The following CDADC1 variants were observed in gnomAD, a reference collection of about 807,000 sequenced individuals.
CDADC1 encodes the protein dCTP deaminase.
In CDADC1, 39 loss-of-function variants were observed where a neutral mutation model predicts 54.9. The ratio of observed to expected loss-of-function variants is 0.71; its 90% CI spans 0.55 to 0.93. The LOEUF is 0.93. CDADC1 is among the 40% of genes least tolerant of loss of function. The pLI, the probability that CDADC1 is intolerant of heterozygous loss-of-function variation, is 0.00. For synonymous variants in CDADC1, 186 were observed against 204.0 expected (o/e 0.91, Z 0.75); for missense variants, 518 against 618.8 (o/e 0.84, Z 1.73).
Position 49,292,873 on chromosome 13 carries a change from C to A in CDADC1, c.*1116C>A. On this transcript the variant is annotated 3_prime_UTR_variant, in exon 10 of 10. Transcript: ENST00000251108. The stretch of plus-strand genomic sequence containing the variant: ...CTGCTTTTGTTCCCTGCCTTTCCGC[C>A]ACATCACACGGCCTCACTGGGCTTC... 1.0e-6 allele frequency: 1 copy of A among 959,416 alleles called. No homozygotes were observed. The highest frequency in any genetic ancestry group is 1.4e-6 in the Non-Finnish European group (1 of 713,592). The allele number at this position is 959,416 out of a possible 1,614,324, so 59.4% of individuals were successfully genotyped here. A position where few individuals can be genotyped will look rare whatever the true frequency, so the allele number is the denominator to read the frequency against.
At chr13:49,268,086 G>A (rs1437829198) in intron 5 of CDADC1, 27 bp downstream of exon 5, 1 of 1,542,644 alleles carries the variant, frequency 6.5e-7, no homozygotes, top group Admixed American at 1.7e-5. Context: ...GTAAATTGGG[G>A]CTGATTGGTT....
chr13:49,282,287 C>G (rs934819529), intron 8 of CDADC1, among the ~76,000 whole-genome samples: 3 of 121,504 alleles, frequency 2.5e-5, no homozygotes, highest in Non-Finnish European at 4.9e-5. Context: ...CAGGGTCTCA[C>G]TATCTCACCC....
intron 8 of CDADC1, among the ~76,000 whole-genome samples, chr13:49,284,902 T>C (rs1346544606): frequency 2.6e-5 from 4 of 152,230 alleles, no homozygotes; most frequent in Non-Finnish European, 2.9e-5. Flanking sequence ...GTGATTCTGA[T>C]AGAGATTCTA....
At chr13:49,251,916 A>G (rs1481684798) in intron 2 of CDADC1, among the ~76,000 whole-genome samples, 1 of 152,214 alleles carries the variant, frequency 6.6e-6, no homozygotes, top group Non-Finnish European at 1.5e-5. Context: ...GGTGGGCACC[A>G]TGGAAGTTTT....
chr13:49,256,015 T>C (rs576304052), intron 3 of CDADC1, 102 bp downstream of exon 3: 1 of 1,459,474 alleles, frequency 6.9e-7, no homozygotes, highest in African/African-American at 1.4e-5. Context: ...TCAAGGGAGT[T>C]TTTAAAATAC....
intron 1 of CDADC1, 54 bp downstream of exon 1, chr13:49,248,173 G>A (rs910364880): frequency 3.0e-5 from 43 of 1,427,608 alleles, no homozygotes; most frequent in Non-Finnish European, 3.9e-5. Flanking sequence ...TGCCCTGTGC[G>A]TCTCCCGTCA....
chr13:49,251,407 AAAAG>A lies in CDADC1; in HGVS notation c.177+2446_177+2449del, dbSNP rs1234536673. On this transcript the variant is annotated intron_variant, in intron 2 of 9. Coordinates refer to ENST00000251108, the MANE Select transcript of CDADC1 (RefSeq NM_030911.4). The stretch of plus-strand genomic sequence containing the variant: ...TGGCGACAGAAAAAAAAAGAAAAAA[AAAAG>A]AAAAAAAAACGTATAAAAACTGGAC... Among the ~76,000 whole-genome samples the A allele has an allele frequency of 1.3e-4, 20 of 152,142 alleles. No individual in the cohort carries two copies. The East Asian group carries it at 3.7e-3, about 28-fold the overall frequency.
chr13:49,263,520 A>G (rs183157902), intron 4 of CDADC1, among the ~76,000 whole-genome samples: 26 of 152,362 alleles, frequency 1.7e-4, no homozygotes, highest in Non-Finnish European at 4.4e-5. Flanking sequence ...ATATGGTTTC[A>G]GATTCTACAT....
chr13:49,253,107 C>T (rs1952470908), intron 2 of CDADC1, among the ~76,000 whole-genome samples: 2 of 152,180 alleles, frequency 1.3e-5, no homozygotes, highest in South Asian at 4.1e-4. Flanking sequence ...TTTTGTTGTA[C>T]AGAGTAAATC....
chr13:49,277,327 C>G (rs913895024), intron 6 of CDADC1, among the ~76,000 whole-genome samples: 2 of 151,906 alleles, frequency 1.3e-5, no homozygotes, highest in African/African-American at 4.8e-5. Context: ...AAAAATTAGC[C>G]AGGCATAGTG....
intron 8 of CDADC1, among the ~76,000 whole-genome samples, chr13:49,283,567 G>C (rs536580667): frequency 6.6e-6 from 1 of 152,298 alleles, no homozygotes; most frequent in African/African-American, 2.4e-5. Flanking sequence ...ATGGGTTATG[G>C]AGAATTCTGA....
At chr13:49,248,147 A>G in intron 1 of CDADC1, 28 bp downstream of exon 1, 1 of 1,530,360 alleles carries the variant, frequency 6.5e-7, no homozygotes, top group South Asian at 1.2e-5. Context: ...TGCTCCCGCC[A>G]CCCTACCTTT....
intron 9 of CDADC1, among the ~76,000 whole-genome samples, chr13:49,287,866 G>C (rs906732804): frequency 3.3e-5 from 5 of 151,832 alleles, no homozygotes; most frequent in African/African-American, 1.2e-4. Flanking sequence ...CAGCTACTCA[G>C]GAGGCTGAGG....
chr13:49,251,422 G>T lies in CDADC1; in HGVS notation c.177+2457G>T, dbSNP rs141870603. 3.5e-3 allele frequency among the ~76,000 whole-genome samples: 520 copies of T among 149,494 alleles called. 2 individuals are homozygous for T. The highest frequency in any genetic ancestry group is 0.01 in the Middle Eastern group (3 of 290). On this transcript the variant is annotated intron_variant, in intron 2 of 9. Transcript: ENST00000251108. Reference sequence around the variant, plus strand: ...AAAGAAAAAAAAAAGAAAAAAAAACGTATAAAAACTGGACATATTAGAGAT... The same window carrying T: ...AAAGAAAAAAAAAAGAAAAAAAAACTTATAAAAACTGGACATATTAGAGAT...
intron 7 of CDADC1, 106 bp from the exon 8 acceptor site, chr13:49,280,403 A>T: frequency 2.1e-6 from 1 of 486,098 alleles, no homozygotes; most frequent in Non-Finnish European, 3.5e-6. Context: ...ATAATGTCAT[A>T]AATCTGTTTT....
intron 5 of CDADC1, among the ~76,000 whole-genome samples, chr13:49,272,220 AT>A (rs1305779628): frequency 3.9e-5 from 6 of 152,156 alleles, no homozygotes; most frequent in African/African-American, 9.7e-5. Flanking sequence ...TTATTTTTTC[AT>A]TTTAGATTTA....
At chr13:49,270,687 G>A (rs562307043) in intron 5 of CDADC1, among the ~76,000 whole-genome samples, 91 of 152,260 alleles carry the variant, frequency 6.0e-4, no homozygotes, top group African/African-American at 1.9e-3. Flanking sequence ...AGATTTGGCC[G>A]CAAAATAAGT....
intron 8 of CDADC1, among the ~76,000 whole-genome samples, chr13:49,284,757 T>C (rs112205073): frequency 6.3e-4 from 96 of 152,322 alleles, no homozygotes; most frequent in Non-Finnish European, 1.0e-3. Flanking sequence ...GTCCTGTATC[T>C]CATCCCCCCT....
In CDADC1 at chr13:49,273,399, A is replaced by G. The variant is rs547685141; in HGVS notation, c.1001-892A>G. 2.0e-5 allele frequency among the ~76,000 whole-genome samples: 3 copies of G among 152,318 alleles called. No individual in the cohort carries two copies. The South Asian group carries it at 6.2e-4, about 32-fold the overall frequency. ...CTTAGTCCCTTATTAAGATTTTGAT[A>G]AATACTATGGTTTTCATAATTAGTG... On this transcript the variant is annotated intron_variant, in intron 5 of 9. Transcript: ENST00000251108.
Sources: allele counts gnomAD v4.1 joint callset (sites outside exome capture counted in the v4.1 genomes callset), GRCh38; gene constraint gnomAD v4.1.1; transcripts MANE v1.5; gene names NCBI Gene and HGNC (gene_info 2026-07-23, HGNC 2026-07-21).